The following CNTNAP4 variants were observed in gnomAD, a reference collection of about 807,000 sequenced individuals.
CNTNAP4 encodes the protein contactin associated protein family member 4.
In CNTNAP4, 98 loss-of-function variants were observed where a neutral mutation model predicts 148.4. The observed-to-expected ratio is 0.66, with a 90% CI of 0.56 to 0.78. The LOEUF (loss-of-function observed/expected upper bound fraction) is 0.78, where lower values mean the gene tolerates loss of function less well. Among genes scored for constraint, CNTNAP4 ranks in the 30% least tolerant of loss-of-function variants. CNTNAP4 has a pLI of 0.00. For synonymous variants in CNTNAP4, 730 were observed against 565.1 expected (o/e 1.29, Z -4.14); for missense variants, 1,935 against 1,565.6 (o/e 1.24, Z -3.98).
At chr16:76,362,113 A>G (rs1192338856) in intron 3 of CNTNAP4, among the ~76,000 whole-genome samples, 1 of 152,136 alleles carries the variant, frequency 6.6e-6, no homozygotes, top group Non-Finnish European at 1.5e-5. Context: ...CTAACGATAA[A>G]TGATCCAAAA....
At chr16:76,310,212 G>T (rs551546754) in intron 1 of CNTNAP4, among the ~76,000 whole-genome samples, 98 of 152,262 alleles carry the variant, frequency 6.4e-4, no homozygotes, top group African/African-American at 2.3e-3. Flanking sequence ...ATGGTAGGGC[G>T]AGGAGACAAG....
At chr16:76,433,610 A>G (rs976776368) in intron 4 of CNTNAP4, among the ~76,000 whole-genome samples, 6 of 152,186 alleles carry the variant, frequency 3.9e-5, no homozygotes, top group African/African-American at 1.4e-4. Context: ...GGGTGAGGAA[A>G]ACAAAACATT....
intron 1 of CNTNAP4, among the ~76,000 whole-genome samples, chr16:76,312,809 G>C (rs1961280838): frequency 6.6e-6 from 1 of 152,194 alleles, no homozygotes; most frequent in African/African-American, 2.4e-5. Context: ...ATCTGCAAGA[G>C]AGTAACATTA....
intron 3 of CNTNAP4, among the ~76,000 whole-genome samples, chr16:76,372,022 A>T (rs1023942357): frequency 6.6e-6 from 1 of 152,052 alleles, no homozygotes; most frequent in Non-Finnish European, 1.5e-5. Flanking sequence ...GAGTCTCTGC[A>T]TTGCTTTGCA....
At chr16:76,284,687 G>C (rs17641342) in intron 1 of CNTNAP4, among the ~76,000 whole-genome samples, 20,404 of 151,990 alleles carry the variant, frequency 0.13, 1,677 homozygotes, top group East Asian at 0.21. Context: ...TGATGTCTAA[G>C]AGTTTAACAC....
intron 2 of CNTNAP4, among the ~76,000 whole-genome samples, chr16:76,343,232 T>G (rs1228368764): frequency 6.6e-6 from 1 of 152,078 alleles, no homozygotes; most frequent in Non-Finnish European, 1.5e-5. Flanking sequence ...CTGTGATAGG[T>G]GGCCTGACAA....
In CNTNAP4 at chr16:76,462,069, G is replaced by C. The variant is rs189256754; in HGVS notation, c.1447G>C (p.Glu483Gln). The C allele has an allele frequency of 2.5e-5, 40 of 1,613,770 alleles. No individual in the cohort carries two copies. The East Asian group carries it at 6.7e-4, about 27-fold the overall frequency. ...MASAAPLLGP[E>Q]QIYSGGTYYF... ...TTCTGCTGCTCCTCTGCTGGGGCCT[G>C]AGCAGATTTATTCGGGTGGCACCTA... The change falls in exon 9 of 24, where the codon GAG becomes CAG. Residue 483 changes from glutamate to glutamine, a missense_variant. Coordinates refer to ENST00000611870, the MANE Select transcript of CNTNAP4 (RefSeq NM_033401.5).
intron 15 of CNTNAP4, among the ~76,000 whole-genome samples, chr16:76,501,845 C>T (rs1413509828): frequency 2.0e-5 from 3 of 151,992 alleles, no homozygotes; most frequent in East Asian, 1.9e-4. Flanking sequence ...CCGAGGCGGG[C>T]GGATCACGAG....
chr16:76,474,716 A>G (rs1169246667), intron 10 of CNTNAP4, among the ~76,000 whole-genome samples: 4 of 152,148 alleles, frequency 2.6e-5, no homozygotes, highest in Non-Finnish European at 5.9e-5. Context: ...ATTTGAGTCA[A>G]TAACAAAACT....
At chr16:76,457,190 A>G (rs59260734) in intron 8 of CNTNAP4, among the ~76,000 whole-genome samples, 5,619 of 152,270 alleles carry the variant, frequency 0.037, 197 homozygotes, top group African/African-American at 0.089. Flanking sequence ...AAAAGGGCCA[A>G]CCTATTATCA....
intron 3 of CNTNAP4, among the ~76,000 whole-genome samples, chr16:76,420,284 T>TTCTGTAGAATAGATATTAGAA (rs1555550121): frequency 2.8e-5 from 2 of 70,462 alleles, no homozygotes. Flanking sequence ...GAGATAAATA[T>TTCTGTAGAATAGATATTAGAA]TAATTTCCCT....
intron 12 of CNTNAP4, among the ~76,000 whole-genome samples, chr16:76,482,614 C>G (rs1410125653): frequency 1.3e-5 from 2 of 152,126 alleles, no homozygotes; most frequent in South Asian, 4.1e-4. Flanking sequence ...AAATTAGTAT[C>G]TTCAAAGGTT....
chr16:76,472,022 C>A (rs181748365), intron 10 of CNTNAP4, among the ~76,000 whole-genome samples: 2 of 152,178 alleles, frequency 1.3e-5, no homozygotes, highest in Non-Finnish European at 2.9e-5. Flanking sequence ...AAATCAAAAT[C>A]TTACTATCAC....
chr16:76,484,908 TAG>T (rs2081972176), intron 12 of CNTNAP4, among the ~76,000 whole-genome samples: 1 of 152,212 alleles, frequency 6.6e-6, no homozygotes, highest in African/African-American at 2.4e-5. Context: ...AGTCTAGAAC[TAG>T]TGTCAAGTGA....
intron 14 of CNTNAP4, among the ~76,000 whole-genome samples, chr16:76,497,274 C>A (rs534109813): frequency 6.6e-6 from 1 of 152,034 alleles, no homozygotes; most frequent in Admixed American, 6.6e-5. Context: ...AGGGGAGCAG[C>A]GTTAAATGAA....
chr16:76,413,233 C>G (rs150423181), intron 3 of CNTNAP4, among the ~76,000 whole-genome samples: 24 of 151,454 alleles, frequency 1.6e-4, no homozygotes, highest in African/African-American at 4.3e-4. Flanking sequence ...CGTTAACCAT[C>G]CCCACCTCCC....
chr16:76,508,626 A>C (rs2082908738), intron 15 of CNTNAP4, among the ~76,000 whole-genome samples: 1 of 95,532 alleles, frequency 1.0e-5, no homozygotes, highest in African/African-American at 2.6e-5. Context: ...GTACTTTCAA[A>C]AGGTTTTCAC....
intron 4 of CNTNAP4, among the ~76,000 whole-genome samples, chr16:76,438,724 C>T (rs966729022): frequency 6.6e-6 from 1 of 152,020 alleles, no homozygotes; most frequent in Non-Finnish European, 1.5e-5. Flanking sequence ...CCTCCCATAC[C>T]CACACTCTCC....
intron 21 of CNTNAP4, among the ~76,000 whole-genome samples, chr16:76,549,874 G>A (rs1432767477): frequency 6.6e-6 from 1 of 152,120 alleles, no homozygotes; most frequent in Admixed American, 6.5e-5. Flanking sequence ...AGAATAAAAA[G>A]GAAGAAGGTG....
Sources: gnomAD v4.1 joint callset for allele counts (sites outside exome capture counted in the v4.1 genomes callset) on GRCh38, gnomAD v4.1.1 for gene constraint, MANE v1.5 for transcripts, NCBI Gene and HGNC (gene_info 2026-07-23, HGNC 2026-07-21) for gene names.